The following LIPI variants were observed in gnomAD, a reference collection of about 807,000 sequenced individuals.
LIPI encodes lipase member I.
LIPI carries 59 observed loss-of-function variants against 50.6 expected under a neutral mutation model. The ratio of observed to expected loss-of-function variants is 1.16; its 90% confidence interval spans 0.94 to 1.45. The LOEUF (loss-of-function observed/expected upper bound fraction) is 1.45, where lower values mean the gene tolerates loss of function less well. Ranked by LOEUF, LIPI falls within the 40% of genes most tolerant of loss-of-function variation. The pLI is 0.00. For missense variants in LIPI, 586 were observed against 536.3 expected, an observed-to-expected ratio of 1.09 and a Z score of -0.92; for synonymous variants, 203 against 178.2, an observed-to-expected ratio of 1.14 and a Z score of -1.11.
At chr21:14,116,194 G>C (rs2016629586) in intron 9 of LIPI, among the ~76,000 whole-genome samples, 1 of 152,144 alleles carries the variant, frequency 6.6e-6, no homozygotes, top group African/African-American at 2.4e-5. Flanking sequence ...GGCAGGGGAG[G>C]TGTGTGACAG....
chr21:14,204,107 AG>A (rs1454744485), intron 1 of LIPI, among the ~76,000 whole-genome samples: 5 of 152,020 alleles, frequency 3.3e-5, no homozygotes. Context: ...GGGGAGCGAG[AG>A]CATCAGGAAG....
intron 7 of LIPI, among the ~76,000 whole-genome samples, chr21:14,158,495 G>A (rs962640706): frequency 2.5e-4 from 37 of 150,872 alleles, no homozygotes; most frequent in African/African-American, 8.2e-4. Context: ...AATATCTGAG[G>A]CCAATAATTT....
intron 2 of LIPI, among the ~76,000 whole-genome samples, chr21:14,187,354 A>T (rs929000033): frequency 6.6e-6 from 1 of 152,118 alleles, no homozygotes; most frequent in Non-Finnish European, 1.5e-5. Context: ...AGCGCTTGCC[A>T]CTAATGAAAA....
chr21:14,196,654 A>T (rs1214647395), intron 1 of LIPI, among the ~76,000 whole-genome samples: 1 of 151,958 alleles, frequency 6.6e-6, no homozygotes, highest in Non-Finnish European at 1.5e-5. Context: ...TAGCAAGATG[A>T]TGTCTTTACA....
chr21:14,180,529 C>T (rs189880984), intron 4 of LIPI, among the ~76,000 whole-genome samples: 243 of 152,228 alleles, frequency 1.6e-3, no homozygotes, highest in Non-Finnish European at 1.9e-3. Context: ...ATTGAAATAT[C>T]GGGGGTGGGT....
At chr21:14,179,348 A>G (rs1405232736) in intron 4 of LIPI, among the ~76,000 whole-genome samples, 2 of 152,162 alleles carry the variant, frequency 1.3e-5, no homozygotes, top group Non-Finnish European at 2.9e-5. Flanking sequence ...GTACATATGC[A>G]GCATCAAAAA....
At chr21:14,199,083 G>C (rs1314906015) in intron 1 of LIPI, among the ~76,000 whole-genome samples, 1 of 152,094 alleles carries the variant, frequency 6.6e-6, no homozygotes, top group African/African-American at 2.4e-5. Flanking sequence ...GAATCTTTGG[G>C]ACACAGCTAA....
At chr21:14,191,222 C>CA (rs1345516318) in intron 1 of LIPI, among the ~76,000 whole-genome samples, 1 of 151,476 alleles carries the variant, frequency 6.6e-6, no homozygotes, top group Non-Finnish European at 1.5e-5. Context: ...ACTAAAACTA[C>CA]AAAAAATAGC....
At chr21:14,146,772 ATTTTTTTTTT>A (rs3048482) in intron 8 of LIPI, among the ~76,000 whole-genome samples, 9 of 73,384 alleles carry the variant, frequency 1.2e-4, no homozygotes, top group African/African-American at 5.4e-4. Flanking sequence ...CCCAGTCTCT[ATTTTTTTTTT>A]TTTTTTTTTT....
chr21:14,157,936 G>C (rs2018329549), intron 7 of LIPI, among the ~76,000 whole-genome samples: 1 of 151,714 alleles, frequency 6.6e-6, no homozygotes, highest in Non-Finnish European at 1.5e-5. Flanking sequence ...TTTGATTCCT[G>C]AGATTCACAG....
intron 4 of LIPI, among the ~76,000 whole-genome samples, chr21:14,169,093 A>T (rs966165896): frequency 6.6e-6 from 1 of 152,226 alleles, no homozygotes; most frequent in Non-Finnish European, 1.5e-5. Context: ...CTTTAAACCA[A>T]CAAAGATCAA....
chr21:14,170,134 A>C (rs150182981), intron 4 of LIPI, among the ~76,000 whole-genome samples: 6 of 152,224 alleles, frequency 3.9e-5, no homozygotes, highest in Non-Finnish European at 8.8e-5. Context: ...TAAATTCCTC[A>C]ACACATACAC....
chr21:14,121,524 G>A (rs931116427), intron 9 of LIPI, among the ~76,000 whole-genome samples: 1 of 152,202 alleles, frequency 6.6e-6, no homozygotes, highest in Admixed American at 6.5e-5. Flanking sequence ...GCAGGCATTA[G>A]GTGAGGTAAT....
At chr21:14,158,849 A>T (rs758881792) in intron 7 of LIPI, among the ~76,000 whole-genome samples, 15 of 151,096 alleles carry the variant, frequency 9.9e-5, no homozygotes, top group Non-Finnish European at 1.8e-4. Flanking sequence ...AAAAAGATAA[A>T]TTTTAAAAAA....
At chr21:14,203,222 T>G (rs371953682) in intron 1 of LIPI, among the ~76,000 whole-genome samples, 20,943 of 151,878 alleles carry the variant, frequency 0.14, 1,899 homozygotes, top group South Asian at 0.2. Flanking sequence ...AGGAACACTT[T>G]TACACTGTTG....
At chr21:14,203,306 C>G (rs894297560) in intron 1 of LIPI, among the ~76,000 whole-genome samples, 13 of 152,128 alleles carry the variant, frequency 8.5e-5, no homozygotes, top group East Asian at 1.9e-4. Context: ...ACTAGAAATA[C>G]CATTTGACCC....
At chr21:14,182,411 G>A (rs2019304939) in intron 3 of LIPI, among the ~76,000 whole-genome samples, 1 of 152,072 alleles carries the variant, frequency 6.6e-6, no homozygotes, top group Non-Finnish European at 1.5e-5. Context: ...TTATTTCTGG[G>A]TTATCTTAAT....
chr21:14,155,583 T>A, intron 7 of LIPI, among the ~76,000 whole-genome samples: 1 of 151,884 alleles, frequency 6.6e-6, no homozygotes, highest in African/African-American at 2.4e-5. Flanking sequence ...CAGAAAGAAA[T>A]GATGCATTAC....
chr21:14,116,794 T>C (rs879687876), intron 9 of LIPI, among the ~76,000 whole-genome samples: 9 of 152,264 alleles, frequency 5.9e-5, no homozygotes, highest in African/African-American at 1.4e-4. Context: ...TGTAAGACTC[T>C]AGTGGCTCGA....
Sources: gnomAD v4.1 joint callset for allele counts (sites outside exome capture counted in the v4.1 genomes callset) on GRCh38, gnomAD v4.1.1 for gene constraint, MANE v1.5 for transcripts, NCBI Gene and HGNC (gene_info 2026-07-23, HGNC 2026-07-21) for gene names.